Variants in LRRC43 observed in about 807,000 individuals in gnomAD.
The protein encoded by LRRC43 is leucine-rich repeat-containing protein 43.
In LRRC43, 62 loss-of-function variants were observed where a neutral mutation model predicts 64.3. The ratio of observed to expected loss-of-function variants is 0.96; its 90% CI spans 0.79 to 1.19. The LOEUF (loss-of-function observed/expected upper bound fraction) is 1.19, where lower values mean the gene tolerates loss of function less well. Among genes scored for constraint, LRRC43 ranks in the 50% most tolerant of loss-of-function variants. The pLI is 0.00. For missense variants in LRRC43, 868 were observed against 845.0 expected (o/e 1.03, Z -0.34); for synonymous variants, 422 against 382.3 (o/e 1.10, Z -1.21).
At chr12:122,180,663 A>G (rs1953574021), upstream of LRRC43, among the ~76,000 whole-genome samples, 1 of 152,138 alleles carries the variant, frequency 6.6e-6, no homozygotes. Flanking sequence ...TCTTCTGTGT[A>G]TCTTGGGCTC....
At chr12:122,199,093 A>G (rs764342731) in intron 7 of LRRC43, among the ~76,000 whole-genome samples, 2 of 145,994 alleles carry the variant, frequency 1.4e-5, no homozygotes, top group Non-Finnish European at 3.0e-5. Flanking sequence ...CAACTTGGAC[A>G]TACTTTAAAT....
Position 122,184,741 on chromosome 12 carries a change from T to C in LRRC43, c.373T>C (p.Tyr125His). ...NPLTITDTFF[Y>H]SYFRSLRVID... ...GCTGACGATCACAGACACCTTCTTC[T>C]ACTCCTACTTCCGGTCCCTGCGGGT... The change falls in exon 2 of 12, where the codon TAC becomes CAC. Residue 125 changes from tyrosine (Y) to histidine (H), a missense_variant. Physicochemically the swap from Tyr to His is moderately conservative, Grantham distance 83. Coordinates refer to ENST00000339777, the MANE Select transcript of LRRC43 (RefSeq NM_001098519.2). This position sits in a 1 kb window ranked among gnomAD's most constrained non-coding sequence, Gnocchi z 4.0. 1 of 1,611,818 alleles carries C rather than the reference T, an allele frequency of 6.2e-7. No homozygotes were observed. The highest frequency in any genetic ancestry group is 2.2e-5 in the East Asian group (1 of 44,822).
intron 6 of LRRC43, among the ~76,000 whole-genome samples, chr12:122,191,899 G>A (rs551130263): frequency 4.6e-5 from 7 of 152,040 alleles, no homozygotes; most frequent in Non-Finnish European, 7.4e-5. Flanking sequence ...AGTGATCCTC[G>A]GCCTCCCAAA....
upstream of LRRC43, among the ~76,000 whole-genome samples, chr12:122,179,186 C>T (rs1347462354): frequency 3.3e-5 from 5 of 152,104 alleles, no homozygotes; most frequent in African/African-American, 1.2e-4. Context: ...CCTCAAACTC[C>T]CAGGCTCAAG....
upstream of LRRC43, among the ~76,000 whole-genome samples, chr12:122,182,352 C>T (rs879562272): frequency 2.6e-5 from 4 of 151,906 alleles, no homozygotes; most frequent in Admixed American, 1.3e-4. Flanking sequence ...GGTGAAACCC[C>T]GTCTCTACTA....
chr12:122,202,846 C>G (rs1328695854), intron 11 of LRRC43, among the ~76,000 whole-genome samples: 1 of 152,110 alleles, frequency 6.6e-6, no homozygotes, highest in Non-Finnish European at 1.5e-5. Context: ...GATCCTAGCA[C>G]GTTGGGAGGC....
intron 4 of LRRC43, among the ~76,000 whole-genome samples, chr12:122,189,755 G>A (rs895403467): frequency 2.6e-5 from 4 of 152,160 alleles, no homozygotes; most frequent in African/African-American, 7.2e-5. Flanking sequence ...ACTCCCCCAC[G>A]GTGGCTGTCC....
At chr12:122,191,644 C>G in intron 6 of LRRC43, 77 bp downstream of exon 6, 12 of 1,143,020 alleles carry the variant, frequency 1.0e-5, no homozygotes, top group Non-Finnish European at 1.5e-5. Context: ...CAGGAAAATC[C>G]TTTTAATTAA....
chr12:122,190,111 G>A lies in LRRC43; in HGVS notation c.663-19G>A, dbSNP rs749421822. ...TCACCTGGCTTCTTGACCCCCAGAC[G>A]GTCCTGCTCACCTTCCAGGCCCAAC... is the stretch of plus-strand genomic sequence containing the variant. On this transcript the variant is annotated intron_variant, in intron 4 of 11. Coordinates refer to ENST00000339777, the MANE Select transcript of LRRC43 (RefSeq NM_001098519.2). The A allele has an allele frequency of 3.2e-5, 51 of 1,604,654 alleles. No individual in the cohort carries two copies. The highest frequency in any genetic ancestry group is 4.0e-5 in the African/African-American group (3 of 74,724).
upstream of LRRC43, among the ~76,000 whole-genome samples, chr12:122,178,599 T>C (rs978630721): frequency 1.4e-5 from 2 of 141,394 alleles, no homozygotes; most frequent in Middle Eastern, 6.9e-3. Flanking sequence ...TTTTTTTTTT[T>C]TTTTTTTTTT....
intron 1 of LRRC43, 137 bp downstream of exon 1, chr12:122,183,431 G>C (rs934146849): frequency 2.2e-5 from 23 of 1,045,030 alleles, no homozygotes; most frequent in Non-Finnish European, 2.9e-5. Context: ...GGCGGGTGGG[G>C]CTTGAGGGTG....
chr12:122,184,670 C>CGAATGCA lies in LRRC43; in HGVS notation c.306_312dup (p.Asp105CysfsTer41). 6.2e-7 allele frequency: 1 copy of CGAATGCA among 1,613,958 alleles called. No homozygotes were observed. The highest frequency in any genetic ancestry group is 1.1e-5 in the South Asian group (1 of 91,074). ...TCCCCCTGGGCTCTGCTGAACAACT[C>CGAATGCA]GAATGCAGAAGACAGTTTCCTGAGA... is the stretch of plus-strand genomic sequence containing the variant. On this transcript the variant is annotated frameshift_variant, in exon 2 of 12. Transcript: ENST00000339777. LOFTEE classifies it high-confidence loss of function. The surrounding 1 kb of genome is among the most constrained non-coding windows in gnomAD (Gnocchi z 4.0).
intron 11 of LRRC43, among the ~76,000 whole-genome samples, chr12:122,201,684 C>G (rs879851657): frequency 2.0e-5 from 3 of 152,158 alleles, no homozygotes; most frequent in Admixed American, 2.0e-4. Context: ...CTGTGGGGAG[C>G]TGGAGAAGCA....
Position 122,187,897 on chromosome 12 carries a change from C to A in LRRC43, c.662+57C>A, listed in dbSNP as rs113299115. On this transcript the variant is annotated intron_variant, in intron 4 of 11. Transcript: ENST00000339777. The stretch of plus-strand genomic sequence containing the variant: ...GGAGGGATTAAGTATCAGGTTGGGG[C>A]GATTCTACCCCAGTGGCTTGAGAAC... 8.3e-6 allele frequency: 13 copies of A among 1,570,194 alleles called. No homozygotes were observed. The Middle Eastern group carries it at 5.0e-4, about 61-fold the overall frequency.
At chr12:122,170,860 G>C (rs1327707856) in intron 1 of LRRC43, among the ~76,000 whole-genome samples, 1 of 151,910 alleles carries the variant, frequency 6.6e-6, no homozygotes, top group African/African-American at 2.4e-5. Context: ...GGGTGTATTA[G>C]AATCCCCTGG....
chr12:122,183,027 G>A, upstream of LRRC43: 3 of 1,409,220 alleles, frequency 2.1e-6, no homozygotes, highest in Non-Finnish European at 2.8e-6. Context: ...CAGGTGGTTG[G>A]GGCCAGGCTG....
At chr12:122,177,965 G>C (rs1953551958) in intron 1 of LRRC43, among the ~76,000 whole-genome samples, 1 of 151,804 alleles carries the variant, frequency 6.6e-6, no homozygotes, top group Admixed American at 6.6e-5. Context: ...AGCCTCCCAA[G>C]TAACTGGGAT....
upstream of LRRC43, among the ~76,000 whole-genome samples, chr12:122,180,746 G>A (rs1425821648): frequency 6.6e-6 from 1 of 152,048 alleles, no homozygotes; most frequent in African/African-American, 2.4e-5. Flanking sequence ...CACAGTAGAC[G>A]CCCATTGGCA....
At position 122,200,392 on chromosome 12, in the gene LRRC43, C is replaced by A; in HGVS notation, c.1491+62C>A. 1 of 1,607,754 alleles carries A rather than the reference C, an allele frequency of 6.2e-7. No homozygotes were observed. ...CTGCACTTCTGTCCTTGTTCCTGTTCCCATCGGGCTGTCCCCCATGGGAGC... is the reference window on the plus strand; with the variant it reads ...CTGCACTTCTGTCCTTGTTCCTGTTACCATCGGGCTGTCCCCCATGGGAGC... On this transcript the variant is annotated intron_variant, in intron 8 of 11. Transcript: ENST00000339777. The surrounding 1 kb of genome is among the most constrained non-coding windows in gnomAD (Gnocchi z 4.6).
Sources: allele counts gnomAD v4.1 joint callset (sites outside exome capture counted in the v4.1 genomes callset), GRCh38; gene constraint gnomAD v4.1.1; non-coding constraint Gnocchi (gnomAD v3.1); transcripts MANE v1.5; gene names NCBI Gene and HGNC (gene_info 2026-07-23, HGNC 2026-07-21).